Variants in TEC observed in about 807,000 individuals in gnomAD.
The protein encoded by TEC is tec protein tyrosine kinase, also known as tyrosine-protein kinase Tec.
TEC carries 72 observed loss-of-function variants against 93.0 expected under a neutral mutation model. That is an observed-to-expected ratio of 0.77 (90% CI 0.64 to 0.94). The LOEUF (loss-of-function observed/expected upper bound fraction) is 0.94, where lower values mean the gene tolerates loss of function less well. Ranked by LOEUF, TEC falls within the 40% of genes least tolerant of loss-of-function variation. The probability of loss-of-function intolerance (pLI) is 0.00; values close to 1 mark genes in which losing one functional copy is unlikely to be tolerated. For synonymous variants in TEC, 249 were observed against 247.7 expected (o/e 1.01, Z -0.05); for missense variants, 630 against 757.9 (o/e 0.83, Z 1.98).
chr4:48,240,014 G>A (rs1419133772), intron 1 of TEC, among the ~76,000 whole-genome samples: 3 of 149,448 alleles, frequency 2.0e-5, no homozygotes, highest in African/African-American at 7.4e-5. Context: ...GTGATGGTAT[G>A]GTGATTATAT....
chr4:48,170,258 A>G lies in TEC; in HGVS notation c.444T>C (p.Leu148=). 1 of 1,592,908 alleles carries G rather than the reference A, an allele frequency of 6.3e-7. No homozygotes were observed. The highest frequency in any genetic ancestry group is 1.1e-5 in the South Asian group (1 of 89,234). ...AAAATGAATACTTACTGCTCTCAAA[A>G]AGATTGTATTTTTCACATCCGGGTG... The part of the protein sequence containing the change: ...KLAPGCEKYN[L]FESSIRKALP... The change falls in exon 5 of 18, where the codon CTT becomes CTC. Residue 148 remains leucine (L), a synonymous_variant. Transcript: ENST00000381501.
At chr4:48,143,290 C>T (rs1032029753) in intron 14 of TEC, among the ~76,000 whole-genome samples, 3 of 152,236 alleles carry the variant, frequency 2.0e-5, no homozygotes, top group Middle Eastern at 3.2e-3. Flanking sequence ...ACCAATATCA[C>T]AGGCACAGAA....
intron 2 of TEC, among the ~76,000 whole-genome samples, chr4:48,189,812 T>C (rs1226593940): frequency 1.3e-5 from 2 of 152,226 alleles, no homozygotes; most frequent in African/African-American, 4.8e-5. Flanking sequence ...TGCTGTCCTA[T>C]GGTTTACGCA....
chr4:48,150,788 A>G, intron 10 of TEC, 75 bp downstream of exon 10: 2 of 1,037,512 alleles, frequency 1.9e-6, no homozygotes, highest in Non-Finnish European at 2.7e-6. Context: ...TATGAAAATT[A>G]GGAATCCATA....
At chr4:48,178,260 G>A (rs1355394792) in intron 2 of TEC, among the ~76,000 whole-genome samples, 1 of 152,048 alleles carries the variant, frequency 6.6e-6, no homozygotes, top group Non-Finnish European at 1.5e-5. Context: ...TGCCTCGGTG[G>A]ACTCACTCCC....
intron 2 of TEC, among the ~76,000 whole-genome samples, chr4:48,194,747 G>A (rs934443533): frequency 2.0e-4 from 31 of 152,094 alleles, no homozygotes; most frequent in African/African-American, 7.2e-4. Flanking sequence ...AGTAGCAGAC[G>A]GTGAATTGCC....
intron 2 of TEC, among the ~76,000 whole-genome samples, chr4:48,187,448 A>G (rs1261547686): frequency 2.0e-5 from 3 of 152,086 alleles, no homozygotes; most frequent in Admixed American, 6.5e-5. Context: ...AAAAAAAAAA[A>G]AAAGAAATAT....
At chr4:48,208,688 C>A (rs1360191873) in intron 2 of TEC, among the ~76,000 whole-genome samples, 1 of 152,148 alleles carries the variant, frequency 6.6e-6, no homozygotes, top group Non-Finnish European at 1.5e-5. Flanking sequence ...CTCTCTCATG[C>A]GGCTTTACTT....
intron 5 of TEC, among the ~76,000 whole-genome samples, chr4:48,168,993 A>G (rs1720991420): frequency 6.6e-6 from 1 of 152,198 alleles, no homozygotes; most frequent in East Asian, 1.9e-4. Flanking sequence ...TCTACAGTCC[A>G]CAGTCCTAGA....
intron 2 of TEC, among the ~76,000 whole-genome samples, chr4:48,206,021 GC>G (rs1353185080): frequency 6.6e-6 from 1 of 152,164 alleles, no homozygotes; most frequent in Non-Finnish European, 1.5e-5. Flanking sequence ...ACTAATATAT[GC>G]TACAACTTGA....
intron 1 of TEC, among the ~76,000 whole-genome samples, chr4:48,259,933 A>G (rs1724452873): frequency 6.6e-6 from 1 of 152,170 alleles, no homozygotes; most frequent in South Asian, 2.1e-4. Flanking sequence ...TTCCCGGGTC[A>G]CACAAAGTTT....
At chr4:48,218,100 G>C (rs1723138378) in intron 2 of TEC, among the ~76,000 whole-genome samples, 1 of 152,116 alleles carries the variant, frequency 6.6e-6, no homozygotes, top group Admixed American at 6.6e-5. Context: ...ATCTAGGAGA[G>C]TAGAATAAAA....
At chr4:48,148,057 T>C (rs1017428979) in intron 11 of TEC, among the ~76,000 whole-genome samples, 1 of 152,058 alleles carries the variant, frequency 6.6e-6, no homozygotes, top group Admixed American at 6.6e-5. Flanking sequence ...AGACAGAAAG[T>C]AGGTTAATAG....
intron 1 of TEC, among the ~76,000 whole-genome samples, chr4:48,244,514 C>T (rs1344424374): frequency 2.0e-5 from 3 of 152,226 alleles, no homozygotes; most frequent in African/African-American, 7.2e-5. Context: ...GATTCAATTA[C>T]TTCCCACTGG....
chr4:48,253,825 T>A (rs1724271366), intron 1 of TEC, among the ~76,000 whole-genome samples: 2 of 152,096 alleles, frequency 1.3e-5, no homozygotes, highest in African/African-American at 2.4e-5. Flanking sequence ...TCCACCTGCC[T>A]AGGCCCCCCC....
intron 2 of TEC, among the ~76,000 whole-genome samples, chr4:48,195,188 A>T (rs1722255946): frequency 6.6e-6 from 1 of 152,154 alleles, no homozygotes; most frequent in Non-Finnish European, 1.5e-5. Flanking sequence ...AGGTGGGAGG[A>T]AGTGTGACTA....
chr4:48,255,292 A>C (rs147546598), intron 1 of TEC, among the ~76,000 whole-genome samples: 1 of 152,260 alleles, frequency 6.6e-6, no homozygotes, highest in East Asian at 1.9e-4. Context: ...ACATCGCTCC[A>C]GGTTAAATCC....
intron 1 of TEC, among the ~76,000 whole-genome samples, chr4:48,248,292 G>T (rs989378759): frequency 7.9e-5 from 12 of 152,184 alleles, no homozygotes; most frequent in African/African-American, 2.9e-4. Context: ...TATCTAGGGT[G>T]GCCTCATTCA....
At chr4:48,156,501 A>G (rs1017264808) in intron 9 of TEC, among the ~76,000 whole-genome samples, 179 bp downstream of exon 9, 1 of 152,188 alleles carries the variant, frequency 6.6e-6, no homozygotes, top group Non-Finnish European at 1.5e-5. Context: ...TTATTTCTAG[A>G]AACTGGATTT....
Sources: allele counts gnomAD v4.1 joint callset (sites outside exome capture counted in the v4.1 genomes callset), GRCh38; gene constraint gnomAD v4.1.1; transcripts MANE v1.5; gene names NCBI Gene and HGNC (gene_info 2026-07-23, HGNC 2026-07-21).